MAD1L1: variants seen among roughly 807,000 people sequenced by gnomAD.
MAD1L1 encodes mitotic arrest deficient 1 like 1.
Under a neutral mutation model 96.9 loss-of-function variants are expected in MAD1L1, and 95 were observed. The observed-to-expected ratio is 0.98, with a 90% CI of 0.83 to 1.16. The LOEUF (loss-of-function observed/expected upper bound fraction) is 1.16, where lower values mean the gene tolerates loss of function less well. Ranked by LOEUF, MAD1L1 falls within the 50% of genes most tolerant of loss-of-function variation. The pLI is 0.00. For synonymous variants in MAD1L1, 473 were observed against 396.6 expected (o/e 1.19, Z -2.29); for missense variants, 1,007 against 954.4 (o/e 1.06, Z -0.73).
chr7:1,860,259 T>TG (rs71550327), intron 18 of MAD1L1, among the ~76,000 whole-genome samples: 239 of 132,996 alleles, frequency 1.8e-3, no homozygotes, highest in African/African-American at 7.1e-3. Context: ...GCGGCCTCTG[T>TG]TCCCTAGACC....
intron 12 of MAD1L1, among the ~76,000 whole-genome samples, chr7:2,035,287 G>C (rs945603841): frequency 7.3e-6 from 1 of 137,366 alleles, no homozygotes; most frequent in Non-Finnish European, 1.5e-5. Context: ...ACAGAGCTGG[G>C]GTCCAGGCTC....
chr7:2,076,218 A>C (rs1785367149), intron 11 of MAD1L1, among the ~76,000 whole-genome samples: 1 of 152,200 alleles, frequency 6.6e-6, no homozygotes, highest in Admixed American at 6.5e-5. Flanking sequence ...CAGTGCACAG[A>C]ATGCCTGTGT....
intron 10 of MAD1L1, among the ~76,000 whole-genome samples, chr7:2,167,098 G>C (rs1405703516): frequency 6.6e-6 from 1 of 152,216 alleles, no homozygotes; most frequent in Non-Finnish European, 1.5e-5. Flanking sequence ...ATCGCAGATA[G>C]GAGAGTGCCG....
rs746065050 is a variant in MAD1L1, at chr7:1,898,286, C to T, written c.1912G>A (p.Gly638Ser). ...EFRKACYTLT[G>S]YQIDITTENQ... ...TCCGTGGTGATGTCGATCTGGTAGC[C>T]GGTGAGCGTGTAGCAGGCCTTGCGG... The change falls in exon 18 of 19, where the codon GGC becomes AGC. Residue 638 changes from glycine (G) to serine (S), a missense_variant. By Grantham distance (56) the Gly-to-Ser change is moderately conservative. Coordinates refer to ENST00000265854, the MANE Select transcript of MAD1L1 (RefSeq NM_001013836.2). 7.4e-6 allele frequency: 12 copies of T among 1,613,984 alleles called. No homozygotes were observed. The Admixed American group carries it at 1.2e-4, about 16-fold the overall frequency.
chr7:1,914,487 T>G (rs1788246152), intron 17 of MAD1L1, among the ~76,000 whole-genome samples: 1 of 152,204 alleles, frequency 6.6e-6, no homozygotes, highest in African/African-American at 2.4e-5. Flanking sequence ...TGGGTGCTTC[T>G]GGGAGCCAGA....
intron 18 of MAD1L1, among the ~76,000 whole-genome samples, chr7:1,861,199 G>A (rs1168896790): frequency 6.6e-6 from 1 of 152,162 alleles, no homozygotes; most frequent in African/African-American, 2.4e-5. Flanking sequence ...CTGGGGCTCG[G>A]CCACGGCTAG....
chr7:1,957,757 C>T (rs1779790442), intron 15 of MAD1L1, 38 bp from the exon 16 acceptor site: 1 of 1,600,886 alleles, frequency 6.2e-7, no homozygotes, highest in East Asian at 2.2e-5. Flanking sequence ...GTGTCCGAGG[C>T]CAGCCATGCT....
intron 14 of MAD1L1, among the ~76,000 whole-genome samples, chr7:1,995,800 G>C (rs968104344): frequency 6.6e-6 from 1 of 152,172 alleles, no homozygotes; most frequent in Non-Finnish European, 1.5e-5. Flanking sequence ...GGTGCCACCA[G>C]CCATACAGAA....
chr7:2,002,998 G>A (rs534737635), intron 13 of MAD1L1, among the ~76,000 whole-genome samples: 1 of 152,412 alleles, frequency 6.6e-6, no homozygotes, highest in East Asian at 1.9e-4. Context: ...CTCTGTCCTA[G>A]AACCTGGGAG....
At chr7:1,945,607 G>A (rs960674341) in intron 16 of MAD1L1, among the ~76,000 whole-genome samples, 1 of 152,236 alleles carries the variant, frequency 6.6e-6, no homozygotes, top group Non-Finnish European at 1.5e-5. Flanking sequence ...AGGAGGGTGA[G>A]GGCAGCGGCC....
intron 12 of MAD1L1, among the ~76,000 whole-genome samples, chr7:2,048,258 TG>T (rs1784022823): frequency 6.6e-6 from 1 of 152,134 alleles, no homozygotes; most frequent in Non-Finnish European, 1.5e-5. Flanking sequence ...GCGGGGTAGG[TG>T]TAGAGGGACT....
chr7:1,954,946 C>G (rs138334474), intron 16 of MAD1L1, among the ~76,000 whole-genome samples: 1,720 of 152,252 alleles, frequency 0.011, 23 homozygotes, highest in Non-Finnish European at 0.019. Context: ...CAGCTCTGGG[C>G]TCTTAGGGAG....
intron 10 of MAD1L1, among the ~76,000 whole-genome samples, chr7:2,168,400 C>T (rs954471185): frequency 2.6e-5 from 4 of 152,204 alleles, no homozygotes; most frequent in African/African-American, 7.2e-5. Flanking sequence ...GAAAAAGGTG[C>T]ATCATTAGCG....
At chr7:2,071,599 G>A (rs1305242253) in intron 11 of MAD1L1, among the ~76,000 whole-genome samples, 1 of 152,250 alleles carries the variant, frequency 6.6e-6, no homozygotes, top group Non-Finnish European at 1.5e-5. Context: ...GGCCGGACTA[G>A]AGGCTCGGGA....
intron 10 of MAD1L1, among the ~76,000 whole-genome samples, chr7:2,189,431 G>A (rs1011420644): frequency 1.2e-4 from 19 of 152,212 alleles, no homozygotes; most frequent in Admixed American, 3.3e-4. Context: ...AGAACGGATC[G>A]TCTATCCATA....
chr7:2,066,344 G>A (rs530730003), intron 12 of MAD1L1, among the ~76,000 whole-genome samples: 10 of 152,366 alleles, frequency 6.6e-5, no homozygotes, highest in East Asian at 3.9e-4. Context: ...CAGCAGGCAC[G>A]CCGCTCCCTC....
chr7:2,050,207 G>A (rs1335952931), intron 12 of MAD1L1, among the ~76,000 whole-genome samples: 2 of 151,648 alleles, frequency 1.3e-5, no homozygotes, highest in African/African-American at 4.8e-5. Context: ...CAGACCACAC[G>A]TTCACGGGGC....
intron 18 of MAD1L1, among the ~76,000 whole-genome samples, chr7:1,887,443 CTCTG>C (rs1167057208): frequency 7.2e-6 from 1 of 138,588 alleles, no homozygotes; most frequent in Non-Finnish European, 1.5e-5. Flanking sequence ...ATGTGGCTGC[CTCTG>C]TGTGTGCGTG....
At chr7:1,969,967 C>G (rs1259033345) in intron 15 of MAD1L1, among the ~76,000 whole-genome samples, 1 of 152,244 alleles carries the variant, frequency 6.6e-6, no homozygotes, top group Non-Finnish European at 1.5e-5. Context: ...GAACCACCAC[C>G]AGGGAGACTC....
Sources: gnomAD v4.1 joint callset for allele counts (sites outside exome capture counted in the v4.1 genomes callset) on GRCh38, gnomAD v4.1.1 for gene constraint, MANE v1.5 for transcripts, NCBI Gene and HGNC (gene_info 2026-07-23, HGNC 2026-07-21) for gene names.